Variants in MED13L observed in about 807,000 individuals in gnomAD.
MED13L encodes mediator complex subunit 13L.
Under a neutral mutation model 220.9 loss-of-function variants are expected in MED13L, and 7 were observed. The ratio of observed to expected loss-of-function variants is 0.03; its 90% CI spans 0.02 to 0.06. The LOEUF (loss-of-function observed/expected upper bound fraction) is 0.06. Ranked by LOEUF, MED13L falls within the 10% of genes least tolerant of loss-of-function variation. The probability of loss-of-function intolerance (pLI) is 1.00; values close to 1 mark genes in which losing one functional copy is unlikely to be tolerated. For missense variants in MED13L, 1,965 were observed against 2,760.5 expected, an observed-to-expected ratio of 0.71 and a Z score of 6.46; for synonymous variants, 1,011 against 1,015.2, an observed-to-expected ratio of 1.00 and a Z score of 0.08.
At chr12:115,996,893 A>C in intron 15 of MED13L, 117 bp downstream of exon 15, 2 of 1,192,318 alleles carry the variant, frequency 1.7e-6, no homozygotes, top group Non-Finnish European at 2.5e-6. Flanking sequence ...TCTAATTAAA[A>C]GGATTCTTAG....
chr12:116,039,577 T>G (rs912381129), intron 4 of MED13L, among the ~76,000 whole-genome samples: 2 of 152,124 alleles, frequency 1.3e-5, no homozygotes, highest in Admixed American at 6.5e-5. Flanking sequence ...AATACACTGA[T>G]AAGCCCCTAG....
intron 4 of MED13L, among the ~76,000 whole-genome samples, chr12:116,095,144 C>G (rs1426287011): frequency 2.6e-5 from 4 of 151,986 alleles, no homozygotes. Context: ...GCCTGGATAA[C>G]AAAGCAAGAC....
chr12:116,256,858 G>A (rs534975678), intron 1 of MED13L, among the ~76,000 whole-genome samples: 6 of 151,958 alleles, frequency 3.9e-5, no homozygotes, highest in African/African-American at 1.2e-4. Context: ...GCTAATTTTT[G>A]TATTTTTAGT....
chr12:116,042,915 A>C (rs1016990677), intron 4 of MED13L, among the ~76,000 whole-genome samples: 1 of 152,208 alleles, frequency 6.6e-6, no homozygotes, highest in African/African-American at 2.4e-5. Context: ...CAAGAGCTGA[A>C]GTCTCAGTTC....
At chr12:116,215,043 T>C (rs756057240) in intron 2 of MED13L, among the ~76,000 whole-genome samples, 2 of 152,178 alleles carry the variant, frequency 1.3e-5, no homozygotes, top group Non-Finnish European at 2.9e-5. Flanking sequence ...GATATCATTA[T>C]ATATGCATAA....
chr12:115,965,914 C>G (rs1286059565), intron 29 of MED13L, among the ~76,000 whole-genome samples, 168 bp downstream of exon 29: 2 of 152,130 alleles, frequency 1.3e-5, no homozygotes, highest in Non-Finnish European at 2.9e-5. Flanking sequence ...CTAAATTCTA[C>G]TCTCCACCTA....
intron 2 of MED13L, among the ~76,000 whole-genome samples, chr12:116,139,758 T>C (rs950837222): frequency 7.2e-5 from 11 of 151,936 alleles, no homozygotes; most frequent in African/African-American, 2.4e-4. Context: ...ACTCCTGAGG[T>C]CAGGAGTTCG....
chr12:116,065,138 C>A (rs967900155), intron 4 of MED13L, among the ~76,000 whole-genome samples: 1 of 152,178 alleles, frequency 6.6e-6, no homozygotes, highest in Non-Finnish European at 1.5e-5. Flanking sequence ...ATACCTCTTA[C>A]TTGATCTGCA....
chr12:116,141,213 A>C (rs1020108076), intron 2 of MED13L, among the ~76,000 whole-genome samples: 3 of 152,350 alleles, frequency 2.0e-5, no homozygotes, highest in East Asian at 3.9e-4. Flanking sequence ...AATAAGCCAC[A>C]ATTAATCTGT....
chr12:115,971,242 A>T (rs1043811818), intron 26 of MED13L, among the ~76,000 whole-genome samples: 2 of 152,196 alleles, frequency 1.3e-5, no homozygotes, highest in African/African-American at 4.8e-5. Context: ...ACAGCATCTG[A>T]AGGTAGGAAC....
intron 2 of MED13L, among the ~76,000 whole-genome samples, chr12:116,167,609 T>C (rs997863087): frequency 3.3e-5 from 5 of 152,204 alleles, no homozygotes; most frequent in African/African-American, 1.2e-4. Flanking sequence ...TCATATTCTG[T>C]GTACTATACT....
intron 4 of MED13L, among the ~76,000 whole-genome samples, chr12:116,080,114 G>A (rs1032512516): frequency 6.6e-6 from 1 of 151,834 alleles, no homozygotes; most frequent in Non-Finnish European, 1.5e-5. Context: ...TATGGCCCAG[G>A]GAAGCCAAAA....
chr12:115,977,713 A>T (rs1483299282), intron 23 of MED13L, among the ~76,000 whole-genome samples: 1 of 152,146 alleles, frequency 6.6e-6, no homozygotes, highest in African/African-American at 2.4e-5. Context: ...AAGATCGCAT[A>T]TGGCCAGGCG....
intron 4 of MED13L, among the ~76,000 whole-genome samples, chr12:116,091,859 T>C (rs182495600): frequency 2.6e-4 from 40 of 152,370 alleles, no homozygotes; most frequent in African/African-American, 9.1e-4. Context: ...CCAGTCTCTC[T>C]TGGTTCTCAT....
intron 9 of MED13L, among the ~76,000 whole-genome samples, chr12:116,010,136 T>C (rs1191936634): frequency 6.6e-6 from 1 of 152,160 alleles, no homozygotes; most frequent in Admixed American, 6.5e-5. Context: ...CATAAGGCCA[T>C]TAAAGAGTGG....
chr12:116,008,870 A>G lies in MED13L; in HGVS notation c.1543T>C (p.Ser515Pro). The change falls in exon 10 of 31, where the codon TCC (serine) becomes CCC (proline). Residue 515 changes from serine to proline, a missense_variant. By Grantham distance (74) the Ser-to-Pro change is moderately conservative. This residue lies in a region of MED13L where 818 missense variants were observed against 1,041.2 expected (regional missense o/e 0.79). Transcript: ENST00000281928. ...GQKLGLAGID[S>P]SLEVSSSRKY... ...CTACTGCTAGACACCTCTAAGGAGGAGTCTATCCCTGCCAACCCTAGTTTC... is the reference window on the plus strand; with the variant it reads ...CTACTGCTAGACACCTCTAAGGAGGGGTCTATCCCTGCCAACCCTAGTTTC... 1 of 1,614,020 alleles carries G rather than the reference A, an allele frequency of 6.2e-7. No individual in the cohort carries two copies. The highest frequency in any genetic ancestry group is 8.5e-7 in the Non-Finnish European group (1 of 1,179,968).
chr12:116,123,372 CAT>C (rs1458743296), intron 2 of MED13L, among the ~76,000 whole-genome samples: 3 of 152,126 alleles, frequency 2.0e-5, no homozygotes, highest in African/African-American at 7.2e-5. Flanking sequence ...GAAAAGCAGA[CAT>C]GTGATTCAGT....
intron 4 of MED13L, among the ~76,000 whole-genome samples, chr12:116,053,838 G>A (rs1338641098): frequency 2.0e-5 from 3 of 152,058 alleles, no homozygotes; most frequent in African/African-American, 7.2e-5. Flanking sequence ...GCTCATTTTA[G>A]CTCTTTTTAC....
chr12:116,038,313 AT>A (rs1196207995), intron 4 of MED13L, among the ~76,000 whole-genome samples: 1 of 152,128 alleles, frequency 6.6e-6, no homozygotes, highest in Non-Finnish European at 1.5e-5. Flanking sequence ...ATACTAAGGC[AT>A]TATATATCAC....
Sources: gnomAD v4.1 joint callset for allele counts (sites outside exome capture counted in the v4.1 genomes callset) on GRCh38, gnomAD v4.1.1 for gene constraint, gnomAD v4.1.1 regional missense constraint, MANE v1.5 for transcripts, NCBI Gene and HGNC (gene_info 2026-07-23, HGNC 2026-07-21) for gene names.